The following USP53 variants were observed in gnomAD, a reference collection of about 807,000 sequenced individuals.
The protein encoded by USP53 is ubiquitin specific peptidase 53.
A neutral mutation model predicts 94.9 loss-of-function variants in USP53; 71 were observed. The observed-to-expected ratio is 0.75, with a 90% CI of 0.62 to 0.91. The LOEUF is 0.91. USP53 is among the 40% of genes least tolerant of loss of function. The probability of loss-of-function intolerance (pLI) is 0.00; values close to 1 mark genes in which losing one functional copy is unlikely to be tolerated. For synonymous variants in USP53, 375 were observed against 422.7 expected, an observed-to-expected ratio of 0.89 and a Z score of 1.39; for missense variants, 1,173 against 1,281.0, an observed-to-expected ratio of 0.92 and a Z score of 1.29.
intron 5 of USP53, among the ~76,000 whole-genome samples, chr4:119,241,915 TCTTTGTGTTTTA>T: frequency 6.6e-6 from 1 of 152,290 alleles, no homozygotes; most frequent in South Asian, 2.1e-4. Flanking sequence ...TCTTTTTTTC[TCTTTGTGTTTTA>T]CTTTGTGTGG....
Position 119,293,257 on chromosome 4 carries a change from G to T in USP53, c.*46G>T. On this transcript the variant is annotated 3_prime_UTR_variant, in exon 19 of 19. Coordinates refer to ENST00000692078, the MANE Select transcript of USP53 (RefSeq NM_001371395.1). The stretch of plus-strand genomic sequence containing the variant: ...GTGTTACATAATAATCTTGGTTCAA[G>T]CTGCCCTTCTGAACAAAGATATAAA... The T allele has an allele frequency of 6.6e-7, 1 of 1,522,696 alleles. No homozygotes were observed. Among genetic ancestry groups the T allele is most frequent in the Non-Finnish European group, 8.7e-7 (1 of 1,146,778 alleles). 94.3% of individuals were successfully genotyped at this position (1,522,696 alleles called of 1,614,324 possible). A position where few individuals can be genotyped will look rare whatever the true frequency, so the allele number is the denominator to read the frequency against.
intron 12 of USP53, chr4:119,266,160 A>G (rs1008797484): frequency 9.6e-6 from 4 of 415,608 alleles, no homozygotes; most frequent in African/African-American, 4.1e-5. Context: ...TTCCTTTAGC[A>G]TAATGTCTTT....
intron 3 of USP53, among the ~76,000 whole-genome samples, chr4:119,224,790 A>C (rs757160169): frequency 6.6e-6 from 1 of 152,254 alleles, no homozygotes; most frequent in African/African-American, 2.4e-5. Context: ...AATTGAAAAC[A>C]GTATAGCAGA....
Position 119,271,525 on chromosome 4 carries a change from C to A in USP53, c.1665C>A (p.Gly555=), listed in dbSNP as rs1465111594. The change falls in exon 16 of 19, where the codon GGC becomes GGA. Residue 555 remains glycine, a synonymous_variant. Transcript: ENST00000692078. ...CTGGCAAAGTTAAGAGTGACAATGG[C>A]ACTGGATATGACACAGACAGCAGCC... The part of the protein sequence containing the change: ...KITGKVKSDN[G]TGYDTDSSQD... 6.2e-7 allele frequency: 1 copy of A among 1,613,612 alleles called. No individual in the cohort carries two copies.
Position 119,248,983 on chromosome 4 carries a change from A to G in USP53, c.372+101A>G, listed in dbSNP as rs189200537. 90 of 1,456,562 alleles carry G rather than the reference A, an allele frequency of 6.2e-5. No individual in the cohort carries two copies. The African/African-American group carries it at 1.2e-3, about 19-fold the overall frequency. 90.2% of individuals were successfully genotyped at this position (1,456,562 alleles called of 1,614,324 possible). Reference sequence around the variant, plus strand: ...ATGAAACAAAAATTTAGAACAATAGAAAAATGTCAAAACTGTCCAGTAGAT... The same window carrying G: ...ATGAAACAAAAATTTAGAACAATAGGAAAATGTCAAAACTGTCCAGTAGAT... On this transcript the variant is annotated intron_variant, in intron 7 of 18. Coordinates refer to ENST00000692078, the MANE Select transcript of USP53 (RefSeq NM_001371395.1).
intron 17 of USP53, among the ~76,000 whole-genome samples, chr4:119,288,135 T>C (rs1754324030): frequency 6.6e-6 from 1 of 152,220 alleles, no homozygotes. Context: ...ATGTCTTATA[T>C]AGGTTATGTC....
rs141792619 is a variant in USP53, at chr4:119,224,574, A to G, written c.-665+6901A>G. Among the ~76,000 whole-genome samples the G allele has an allele frequency of 2.5e-3, 374 of 152,312 alleles. 2 individuals carry two copies. Among genetic ancestry groups the G allele is most frequent in the African/African-American group, 8.6e-3 (356 of 41,562 alleles). On this transcript the variant is annotated intron_variant, in intron 3 of 18. Coordinates refer to ENST00000692078, the MANE Select transcript of USP53 (RefSeq NM_001371395.1). ...TTTATAGATCTGATTTAAAGCTATG[A>G]TCAGGGAGGCTGAAGTGACTAGAAT...
chr4:119,256,290 A>G lies in USP53; in HGVS notation c.417A>G (p.Arg139=). The G allele has an allele frequency of 1.2e-6, 2 of 1,613,972 alleles. No homozygotes were observed. Among genetic ancestry groups the G allele is most frequent in the Non-Finnish European group, 1.7e-6 (2 of 1,179,956 alleles). ...TTCATTTTCACATAGTGCCAAGCAG[A>G]GATGCAGACATGTGTACCTCTAAAT... is the stretch of plus-strand genomic sequence containing the variant. ...ERIHFHIVPS[R]DADMCTSKSC... The change falls in exon 8 of 19, where the codon AGA becomes AGG. Residue 139 remains arginine, a synonymous_variant. Transcript: ENST00000692078.
chr4:119,228,228 A>C (rs1745578483), intron 3 of USP53, among the ~76,000 whole-genome samples: 1 of 152,188 alleles, frequency 6.6e-6, no homozygotes, highest in Admixed American at 6.5e-5. Flanking sequence ...TTCTGGGTTC[A>C]TTCAGGTTGT....
chr4:119,224,006 A>G (rs1174051672), intron 3 of USP53, among the ~76,000 whole-genome samples: 2 of 151,850 alleles, frequency 1.3e-5, no homozygotes, highest in South Asian at 2.1e-4. Flanking sequence ...TATGTATTTT[A>G]TTTTATTTTT....
intron 6 of USP53, among the ~76,000 whole-genome samples, chr4:119,247,669 G>A (rs1326576157): frequency 6.6e-6 from 1 of 152,214 alleles, no homozygotes; most frequent in East Asian, 1.9e-4. Context: ...GTAGAACAAT[G>A]CCTAACATAT....
intron 4 of USP53, among the ~76,000 whole-genome samples, chr4:119,238,171 T>C (rs1181764499): frequency 6.6e-6 from 1 of 152,218 alleles, no homozygotes; most frequent in African/African-American, 2.4e-5. Flanking sequence ...CTGCTTGATG[T>C]AGGAAGCCTA....
chr4:119,260,932 T>G (rs1287210959), intron 11 of USP53, among the ~76,000 whole-genome samples: 2 of 148,926 alleles, frequency 1.3e-5, no homozygotes, highest in Non-Finnish European at 1.5e-5. Flanking sequence ...AAAATTCATC[T>G]AAAGCACTGA....
At chr4:119,272,813 T>G (rs753966650) in intron 16 of USP53, 1 of 152,212 alleles carries the variant, frequency 6.6e-6, no homozygotes, top group Non-Finnish European at 1.5e-5. Flanking sequence ...AAGAGATATT[T>G]TCCCTTTAGC....
intron 2 of USP53, among the ~76,000 whole-genome samples, chr4:119,214,895 G>A (rs545486457): frequency 9.2e-5 from 14 of 152,238 alleles, no homozygotes; most frequent in African/African-American, 3.1e-4. Flanking sequence ...GGGTAGGAGG[G>A]GGTACATTGC....
intron 3 of USP53, among the ~76,000 whole-genome samples, chr4:119,231,812 G>A (rs1746118362): frequency 6.6e-6 from 1 of 152,110 alleles, no homozygotes; most frequent in African/African-American, 2.4e-5. Flanking sequence ...ATTTTGTGAT[G>A]ACGTGTAAAA....
chr4:119,227,506 T>TGTAGTCCCA (rs1745462777), intron 3 of USP53, among the ~76,000 whole-genome samples: 1 of 152,028 alleles, frequency 6.6e-6, no homozygotes, highest in African/African-American at 2.4e-5. Flanking sequence ...GGCGGGCGCC[T>TGTAGTCCCA]GTAGTCCCAG....
intron 3 of USP53, among the ~76,000 whole-genome samples, chr4:119,228,282 G>T (rs1298121914): frequency 2.0e-5 from 3 of 152,240 alleles, no homozygotes; most frequent in South Asian, 4.1e-4. Context: ...CTGTTTCTTT[G>T]TTAGCTGTCA....
Position 119,294,654 on chromosome 4 carries a change from G to A in USP53, c.*1443G>A, listed in dbSNP as rs1432175066. The A allele has an allele frequency of 3.9e-5, 6 of 151,918 alleles. No homozygotes were observed. Among genetic ancestry groups the A allele is most frequent in the African/African-American group, 7.3e-5 (3 of 41,378 alleles). 9.4% of individuals were successfully genotyped at this position (151,918 alleles called of 1,614,324 possible). A position where few individuals can be genotyped will look rare whatever the true frequency, so the allele number is the denominator to read the frequency against. ...AGCCACTTGACTGATTGCGTAAATC[G>A]TGTTAAAACATTCTAAAATGTTGTA... On this transcript the variant is annotated 3_prime_UTR_variant, in exon 19 of 19. Coordinates refer to ENST00000692078, the MANE Select transcript of USP53 (RefSeq NM_001371395.1).
Sources: allele counts gnomAD v4.1 joint callset (sites outside exome capture counted in the v4.1 genomes callset), GRCh38; gene constraint gnomAD v4.1.1; transcripts MANE v1.5; gene names NCBI Gene and HGNC (gene_info 2026-07-23, HGNC 2026-07-21).